The following PABIR2 variants were observed in gnomAD, a reference collection of about 807,000 sequenced individuals.
PABIR2 encodes the protein family with sequence similarity 122B.
Under a neutral mutation model 22.8 loss-of-function variants are expected in PABIR2, and 7 were observed. The ratio of observed to expected loss-of-function variants is 0.31; its 90% CI spans 0.17 to 0.58. The LOEUF (loss-of-function observed/expected upper bound fraction) is 0.58. Ranked by LOEUF, PABIR2 falls within the 20% of genes least tolerant of loss-of-function variation. The pLI, the probability that PABIR2 is intolerant of heterozygous loss-of-function variation, is 0.89. For missense variants in PABIR2, 155 were observed against 205.1 expected, an observed-to-expected ratio of 0.76 and a Z score of 1.49; for synonymous variants, 67 against 73.8, an observed-to-expected ratio of 0.91 and a Z score of 0.47.
At chrX:134,775,073 GCTAATGAGCCTTACTTAGA>G (rs1299905906) in intron 9 of PABIR2, among the ~76,000 whole-genome samples, 4 of 112,238 alleles carry the variant, frequency 3.6e-5, no homozygotes, top group Non-Finnish European at 7.5e-5. Flanking sequence ...TGATGGAAGT[GCTAATGAGCCTTACTTAGA>G]CTAATGGCCG....
intron 7 of PABIR2, among the ~76,000 whole-genome samples, chrX:134,786,735 G>A (rs903413977): frequency 2.7e-5 from 3 of 110,965 alleles, no homozygotes; most frequent in Non-Finnish European, 3.8e-5. Flanking sequence ...AGGAGGGCAC[G>A]AGGTCAAGAG....
In PABIR2 at chrX:134,776,608, C is replaced by T. The variant is rs1349621055; in HGVS notation, c.660-4325G>A. On this transcript the variant is annotated intron_variant, in intron 9 of 9. Coordinates refer to ENST00000343004, the MANE Select transcript of PABIR2 (RefSeq NM_001387468.1). ...TGGTTGGCAAAGACTTGGGAATTTTCGTTTAGTAAAAGAAAAGAAAAGAAA... is the reference window on the plus strand; with the variant it reads ...TGGTTGGCAAAGACTTGGGAATTTTTGTTTAGTAAAAGAAAAGAAAAGAAA... Among the ~76,000 whole-genome samples the T allele has an allele frequency of 3.7e-5, 4 of 108,387 alleles. No individual in the cohort carries two copies. The South Asian group carries it at 1.2e-3, about 32-fold the overall frequency. The allele number at this position is 108,387 out of a possible 115,157, so 94.1% of individuals were successfully genotyped here. A position where few individuals can be genotyped will look rare whatever the true frequency, so the allele number is the denominator to read the frequency against.
At chrX:134,777,433 G>A (rs778046669) in intron 9 of PABIR2, among the ~76,000 whole-genome samples, 88 of 109,342 alleles carry the variant, frequency 8.0e-4, no homozygotes, top group African/African-American at 2.8e-3. Context: ...GGCCGAGGTG[G>A]GTGGATGGCT....
intron 3 of PABIR2, 148 bp from the exon 4 acceptor site, chrX:134,789,414 T>C: frequency 1.2e-6 from 1 of 854,061 alleles, no homozygotes; most frequent in Non-Finnish European, 1.7e-6. Context: ...CACAGTAGAG[T>C]GGAACATTCA....
rs2147860592 is a variant in PABIR2 at position 134,769,810 on chromosome X, C to T, written c.*2329G>A. 1 of 111,779 alleles carries T rather than the reference C, an allele frequency of 8.9e-6. No homozygotes were observed. The highest frequency in any genetic ancestry group is 3.7e-4 in the South Asian group (1 of 2,694). 9.2% of individuals were successfully genotyped at this position (111,779 alleles called of 1,213,427 possible). ...AGGAAGAGAGAATTTTACTTTATAA[C>T]AATCGCTTTTCAAATATTAGACTTT... On this transcript the variant is annotated 3_prime_UTR_variant, in exon 10 of 10. Transcript: ENST00000343004.
chrX:134,790,854 G>A (rs1396210771), intron 2 of PABIR2, among the ~76,000 whole-genome samples: 2 of 112,609 alleles, frequency 1.8e-5, no homozygotes, highest in Admixed American at 1.9e-4. Flanking sequence ...TTACAGGCGT[G>A]AGCCACTGCG....
At position 134,787,537 on chromosome X, in the gene PABIR2, TAAG is replaced by T; in HGVS notation, c.436-7_436-5del. The T allele has an allele frequency of 1.7e-6, 2 of 1,202,820 alleles. No homozygotes were observed. The highest frequency in any genetic ancestry group is 1.8e-5 in the African/African-American group (1 of 57,120). On this transcript the variant is annotated splice_region_variant and splice_polypyrimidine_tract_variant and intron_variant, in intron 6 of 9. Transcript: ENST00000343004. ...ATCCACTGCTGCTCACGAACATCTG[TAAG>T]AAGGGTGAAAAACATTACTAGAAAA...
chrX:134,787,578 A>G, intron 6 of PABIR2, 45 bp from the exon 7 acceptor site: 1 of 974,533 alleles, frequency 1.0e-6, no homozygotes, highest in Non-Finnish European at 1.4e-6. Context: ...CATATTCAAT[A>G]TTAAAATAGT....
intron 2 of PABIR2, among the ~76,000 whole-genome samples, chrX:134,791,819 C>A (rs1268170065): frequency 1.8e-5 from 2 of 112,039 alleles, no homozygotes; most frequent in African/African-American, 3.2e-5. Flanking sequence ...TGAAGAATAT[C>A]ATGGGGCCAG....
At chrX:134,782,802 G>GC (rs2079192262) in intron 8 of PABIR2, among the ~76,000 whole-genome samples, 1 of 111,964 alleles carries the variant, frequency 8.9e-6, no homozygotes, top group Non-Finnish European at 1.9e-5. Context: ...AAGAACAAAC[G>GC]CAACATTCAT....
chrX:134,793,924 A>T (rs2079624583), intron 1 of PABIR2, 31 bp from the exon 2 acceptor site: 2 of 1,190,434 alleles, frequency 1.7e-6, no homozygotes, highest in Admixed American at 4.7e-5. Context: ...CAAACAAAAA[A>T]AACAAAATTA....
At chrX:134,790,060 A>C (rs2079501098) in intron 2 of PABIR2, among the ~76,000 whole-genome samples, 1 of 112,342 alleles carries the variant, frequency 8.9e-6, no homozygotes, top group African/African-American at 3.2e-5. Context: ...CTAGTATATA[A>C]TATTTTGTCT....
intron 9 of PABIR2, among the ~76,000 whole-genome samples, chrX:134,778,407 G>A (rs1471184687): frequency 9.6e-6 from 1 of 104,234 alleles, no homozygotes; most frequent in African/African-American, 3.5e-5. Flanking sequence ...GAGAGGCTGA[G>A]GTGGGAGAAT....
intron 9 of PABIR2, among the ~76,000 whole-genome samples, chrX:134,779,045 A>G (rs1052216228): frequency 2.7e-5 from 3 of 110,877 alleles, no homozygotes; most frequent in African/African-American, 9.8e-5. Context: ...CGATCTCCTG[A>G]CCTCGTGATC....
Position 134,770,536 on chromosome X carries a change from A to G in PABIR2, c.*1603T>C, listed in dbSNP as rs1311420986. On this transcript the variant is annotated 3_prime_UTR_variant, in exon 10 of 10. Transcript: ENST00000343004. ...TAGTCTCTGAGTGCCTTCAAAGCAC[A>G]TACTCTTCCTTTAAAATCCAAGGAT... The G allele has an allele frequency of 8.9e-6, 1 of 112,891 alleles. No individual in the cohort carries two copies. The highest frequency in any genetic ancestry group is 3.2e-5 in the African/African-American group (1 of 30,994). 9.3% of individuals were successfully genotyped at this position (112,891 alleles called of 1,213,427 possible). A position where few individuals can be genotyped will look rare whatever the true frequency, so the allele number is the denominator to read the frequency against.
chrX:134,779,451 T>C (rs767616548), intron 9 of PABIR2, among the ~76,000 whole-genome samples: 1 of 110,882 alleles, frequency 9.0e-6, no homozygotes, highest in South Asian at 3.9e-4. Flanking sequence ...AATAAAAAGT[T>C]TCCTTCATCA....
intron 7 of PABIR2, among the ~76,000 whole-genome samples, chrX:134,786,155 C>A (rs916956060): frequency 8.9e-6 from 1 of 111,796 alleles, no homozygotes; most frequent in African/African-American, 3.3e-5. Flanking sequence ...ATTTTAAGTC[C>A]TTTAAAAAAT....
At chrX:134,784,883 A>G (rs2030821942) in intron 8 of PABIR2, among the ~76,000 whole-genome samples, 1 of 111,601 alleles carries the variant, frequency 9.0e-6, no homozygotes, top group Admixed American at 9.6e-5. Flanking sequence ...GGTAACTGAG[A>G]GCACCCTGTT....
intron 6 of PABIR2, 80 bp from the exon 7 acceptor site, chrX:134,787,613 T>TC: frequency 9.0e-6 from 4 of 445,921 alleles, no homozygotes; most frequent in Non-Finnish European, 1.3e-5. Flanking sequence ...TTTCTTTCTT[T>TC]TTTTTTTTTT....
Sources: gnomAD v4.1 joint callset for allele counts (sites outside exome capture counted in the v4.1 genomes callset) on GRCh38, gnomAD v4.1.1 for gene constraint, MANE v1.5 for transcripts, NCBI Gene and HGNC (gene_info 2026-07-23, HGNC 2026-07-21) for gene names.